The following FTO variants were observed in gnomAD, a reference collection of about 807,000 sequenced individuals.
FTO encodes the protein alpha-ketoglutarate-dependent dioxygenase FTO.
A neutral mutation model predicts 63.9 loss-of-function variants in FTO; 47 were observed. That is an observed-to-expected ratio of 0.74 (90% CI 0.58 to 0.94). FTO has a LOEUF of 0.94. Among genes scored for constraint, FTO ranks in the 40% least tolerant of loss-of-function variants. The pLI is 0.00. For synonymous variants in FTO, 207 were observed against 224.4 expected (o/e 0.92, Z 0.69); for missense variants, 562 against 618.1 (o/e 0.91, Z 0.96).
rs13336095 is a variant in FTO at position 53,746,969 on chromosome 16, C to G, written c.45+42740C>G. Among the ~76,000 whole-genome samples, 254 of 152,246 alleles carry G rather than the reference C, an allele frequency of 1.7e-3. 2 individuals carry two copies. Among genetic ancestry groups the G allele is most frequent in the African/African-American group, 5.6e-3 (233 of 41,532 alleles). On this transcript the variant is annotated intron_variant, in intron 1 of 8. Coordinates refer to ENST00000471389, the MANE Select transcript of FTO (RefSeq NM_001080432.3). ...ATATGCAGTATTTGTCCTTCTGTAC[C>G]TGGCTTATTTCACTTAGCATAATGT...
intron 8 of FTO, among the ~76,000 whole-genome samples, chr16:54,075,753 A>G (rs2085978466): frequency 6.6e-6 from 1 of 152,208 alleles, no homozygotes; most frequent in African/African-American, 2.4e-5. Flanking sequence ...GTGACATGCT[A>G]TAAATGAAAT....
At chr16:53,880,806 A>G (rs1347606251) in intron 6 of FTO, among the ~76,000 whole-genome samples, 2 of 151,896 alleles carry the variant, frequency 1.3e-5, no homozygotes, top group Non-Finnish European at 2.9e-5. Context: ...TCAACATAAG[A>G]ATTTTGGAGG....
intron 1 of FTO, among the ~76,000 whole-genome samples, chr16:53,709,253 C>A (rs1005729186): frequency 3.3e-5 from 5 of 152,174 alleles, no homozygotes; most frequent in Non-Finnish European, 7.3e-5. Context: ...GACCACATAG[C>A]TTTCTACGAT....
At chr16:54,107,925 G>T (rs1226834499) in intron 8 of FTO, among the ~76,000 whole-genome samples, 1 of 152,096 alleles carries the variant, frequency 6.6e-6, no homozygotes, top group African/African-American at 2.4e-5. Context: ...TCTTGATTTT[G>T]CCCCATATTG....
At chr16:53,719,239 TTTTTCTTCTTCTTC>T (rs1446951601) in intron 1 of FTO, among the ~76,000 whole-genome samples, 2 of 149,632 alleles carry the variant, frequency 1.3e-5, no homozygotes. Flanking sequence ...CTTCTTCTTC[TTTTTCTTCTTCTTC>T]TTTTTTTTTT....
intron 2 of FTO, among the ~76,000 whole-genome samples, chr16:53,815,636 GT>G (rs556357629): frequency 4.0e-3 from 395 of 97,972 alleles, no homozygotes; most frequent in African/African-American, 7.1e-3. Flanking sequence ...TGACTTTCTT[GT>G]TTTTTTTTTT....
chr16:54,058,023 A>C (rs1033752173), intron 8 of FTO, among the ~76,000 whole-genome samples: 14 of 152,104 alleles, frequency 9.2e-5, no homozygotes, highest in African/African-American at 3.4e-4. Context: ...TGTGGGTGAC[A>C]CAGTGCCCTG....
chr16:53,707,591 A>T (rs536378178), intron 1 of FTO, among the ~76,000 whole-genome samples: 1 of 152,188 alleles, frequency 6.6e-6, no homozygotes, highest in Non-Finnish European at 1.5e-5. Flanking sequence ...TACTTGTTTC[A>T]TATCTTTTCA....
At chr16:53,850,812 T>C (rs1436853492) in intron 4 of FTO, among the ~76,000 whole-genome samples, 1 of 152,184 alleles carries the variant, frequency 6.6e-6, no homozygotes, top group African/African-American at 2.4e-5. Context: ...TTTAAGGCTA[T>C]GAAAATGCTC....
At chr16:53,915,894 C>G (rs2151948171) in intron 7 of FTO, among the ~76,000 whole-genome samples, 1 of 152,320 alleles carries the variant, frequency 6.6e-6, no homozygotes, top group South Asian at 2.1e-4. Context: ...ATCTGCTTAT[C>G]AAAGCATAAA....
At chr16:53,948,950 G>A (rs143318655) in intron 8 of FTO, among the ~76,000 whole-genome samples, 4 of 152,254 alleles carry the variant, frequency 2.6e-5, no homozygotes, top group Non-Finnish European at 4.4e-5. Context: ...AGGTTCTTGC[G>A]CGTGAGTGTG....
In FTO at chr16:53,826,526, G is replaced by A. The variant is rs1193635565; in HGVS notation, c.751+35G>A. On this transcript the variant is annotated intron_variant, in intron 3 of 8. Transcript: ENST00000471389. ...GCTCTTGGAAAAAGCAGCCCTGTATGTAATAATATGACCCGAGTTGTTTAG... is the reference window on the plus strand; with the variant it reads ...GCTCTTGGAAAAAGCAGCCCTGTATATAATAATATGACCCGAGTTGTTTAG... 3 of 1,606,628 alleles carry A rather than the reference G, an allele frequency of 1.9e-6. No homozygotes were observed. The African/African-American group carries it at 4.0e-5, about 21-fold the overall frequency.
chr16:54,104,407 G>C (rs904944760), intron 8 of FTO, among the ~76,000 whole-genome samples: 1 of 151,568 alleles, frequency 6.6e-6, no homozygotes, highest in South Asian at 2.1e-4. Flanking sequence ...CTGCCTCCCG[G>C]GTTCAAGTGA....
chr16:53,864,317 T>G (rs890305679), intron 4 of FTO, among the ~76,000 whole-genome samples: 1 of 152,172 alleles, frequency 6.6e-6, no homozygotes, highest in Non-Finnish European at 1.5e-5. Context: ...CCTGGTAATG[T>G]ACGTGACAGC....
chr16:54,037,455 C>T (rs1438946496), intron 8 of FTO, among the ~76,000 whole-genome samples: 1 of 152,182 alleles, frequency 6.6e-6, no homozygotes, highest in East Asian at 1.9e-4. Flanking sequence ...CTCCTTGTCA[C>T]GTTGATGAAA....
rs142806980 is a variant in FTO, at chr16:53,744,557, A to T, written c.45+40328A>T. 2.1e-4 allele frequency among the ~76,000 whole-genome samples: 32 copies of T among 152,296 alleles called. 1 individual carries two copies. In the East Asian group the frequency reaches 6.2e-3, roughly 29 times the overall value. ...CTTACTCTGGGAAGTCAGAGCTGGC[A>T]GTGGGAGCAGTCCCCAGCACTAACA... On this transcript the variant is annotated intron_variant, in intron 1 of 8. Coordinates refer to ENST00000471389, the MANE Select transcript of FTO (RefSeq NM_001080432.3).
At chr16:54,054,630 G>A (rs571428200) in intron 8 of FTO, 1 of 152,290 alleles carries the variant, frequency 6.6e-6, no homozygotes, top group African/African-American at 2.4e-5. Context: ...AGATTTGTAA[G>A]GCTAAAGTGC....
chr16:53,841,614 A>G (rs1245438238), intron 3 of FTO, among the ~76,000 whole-genome samples: 1 of 152,206 alleles, frequency 6.6e-6, no homozygotes, highest in Non-Finnish European at 1.5e-5. Flanking sequence ...ATGTGAATGA[A>G]TAGTTACAAA....
chr16:53,793,642 T>G (rs1216156828), intron 1 of FTO, among the ~76,000 whole-genome samples: 1 of 152,192 alleles, frequency 6.6e-6, no homozygotes, highest in Non-Finnish European at 1.5e-5. Flanking sequence ...TGCTAGGGAC[T>G]AAGTACTTTG....
Sources: gnomAD v4.1 joint callset for allele counts (sites outside exome capture counted in the v4.1 genomes callset) on GRCh38, gnomAD v4.1.1 for gene constraint, MANE v1.5 for transcripts, NCBI Gene and HGNC (gene_info 2026-07-23, HGNC 2026-07-21) for gene names.